PCDHGA4: variants seen among roughly 807,000 people sequenced by gnomAD.
PCDHGA4 encodes the protein protocadherin gamma-A4.
Under a neutral mutation model 54.6 loss-of-function variants are expected in PCDHGA4, and 38 were observed. That is an observed-to-expected ratio of 0.70 (90% CI 0.54 to 0.91). The LOEUF is 0.91. Among genes scored for constraint, PCDHGA4 ranks in the 40% least tolerant of loss-of-function variants. PCDHGA4 has a pLI of 0.00. For missense variants in PCDHGA4, 1,298 were observed against 1,220.9 expected (o/e 1.06, Z -0.94); for synonymous variants, 511 against 512.9 (o/e 1.00, Z 0.05).
intron 1 of PCDHGA4, chr5:141,391,083 G>C (rs974357992): frequency 1.3e-5 from 2 of 152,152 alleles, no homozygotes; most frequent in Non-Finnish European, 2.9e-5. Flanking sequence ...ATGTGTAACT[G>C]CCTTATCTGC....
At chr5:141,427,294 AT>A (rs2097012877) in intron 1 of PCDHGA4, 1 of 456,758 alleles carries the variant, frequency 2.2e-6, no homozygotes, top group Non-Finnish European at 4.4e-6. Flanking sequence ...GAAATCCTAG[AT>A]GAGAATGACA....
chr5:141,461,438 T>C (rs1034260263), intron 1 of PCDHGA4, among the ~76,000 whole-genome samples: 3 of 152,200 alleles, frequency 2.0e-5, no homozygotes, highest in African/African-American at 7.2e-5. Flanking sequence ...GTATACCTTC[T>C]TTTGAGAAAT....
In PCDHGA4 at chr5:141,394,836, T is replaced by G. The variant is rs116789057; in HGVS notation, c.2514+37215T>G. On this transcript the variant is annotated intron_variant, in intron 1 of 3. Transcript: ENST00000571252. Reference sequence around the variant, plus strand: ...CAGCATCCCCGAAGTCCTGACCGAGTTGGGCAGTCTGAAGCCTTCGGTCGA... The same window carrying G: ...CAGCATCCCCGAAGTCCTGACCGAGGTGGGCAGTCTGAAGCCTTCGGTCGA... 1,507 of 1,613,748 alleles carry G rather than the reference T, an allele frequency of 9.3e-4. 9 individuals carry two copies. The African/African-American group carries it at 0.016, about 17-fold the overall frequency.
rs1247556723 is a variant in PCDHGA4 at position 141,489,841 on chromosome 5, G to A, written c.2515-4966G>A. 6.2e-7 allele frequency: 1 copy of A among 1,614,224 alleles called. No individual in the cohort carries two copies. The highest frequency in any genetic ancestry group is 1.7e-5 in the Admixed American group (1 of 60,032). On this transcript the variant is annotated intron_variant, in intron 1 of 3. Coordinates refer to ENST00000571252, the MANE Select transcript of PCDHGA4 (RefSeq NM_018917.4). The surrounding 1 kb of genome is among the most constrained non-coding windows in gnomAD (Gnocchi z 4.5). Reference sequence around the variant, plus strand: ...AGAGCTGGTGCTAGAGCAGCAGCTGGATCGTGAAGCCCAGGCAAGACATCA... The same window carrying A: ...AGAGCTGGTGCTAGAGCAGCAGCTGAATCGTGAAGCCCAGGCAAGACATCA...
Position 141,477,827 on chromosome 5 carries a change from C to T in PCDHGA4, c.2515-16980C>T, listed in dbSNP as rs2099419143. On this transcript the variant is annotated intron_variant, in intron 1 of 3. Coordinates refer to ENST00000571252, the MANE Select transcript of PCDHGA4 (RefSeq NM_018917.4). The surrounding 1 kb of genome is among the most constrained non-coding windows in gnomAD (Gnocchi z 4.9). ...CAATGCCCCCCAGGTCCTATATCCT[C>T]GGCCAGGTGGGAGCTCGGTGGAGAT... The T allele has an allele frequency of 1.2e-6, 2 of 1,614,038 alleles. No individual in the cohort carries two copies. Among genetic ancestry groups the T allele is most frequent in the African/African-American group, 1.3e-5 (1 of 74,928 alleles).
In PCDHGA4 at chr5:141,489,844, C is replaced by G. The variant is rs1004902910; in HGVS notation, c.2515-4963C>G. Reference sequence around the variant, plus strand: ...GCTGGTGCTAGAGCAGCAGCTGGATCGTGAAGCCCAGGCAAGACATCAGCT... The same window carrying G: ...GCTGGTGCTAGAGCAGCAGCTGGATGGTGAAGCCCAGGCAAGACATCAGCT... On this transcript the variant is annotated intron_variant, in intron 1 of 3. Coordinates refer to ENST00000571252, the MANE Select transcript of PCDHGA4 (RefSeq NM_018917.4). The surrounding 1 kb of genome is among the most constrained non-coding windows in gnomAD (Gnocchi z 4.5). The G allele has an allele frequency of 1.2e-6, 2 of 1,614,030 alleles. No individual in the cohort carries two copies. Among genetic ancestry groups the G allele is most frequent in the Non-Finnish European group, 8.5e-7 (1 of 1,179,990 alleles).
intron 1 of PCDHGA4, chr5:141,418,727 C>T: frequency 6.2e-7 from 1 of 1,613,976 alleles, no homozygotes; most frequent in Non-Finnish European, 8.5e-7. Flanking sequence ...CAAAGCTCAG[C>T]ACGTGTTCTC....
chr5:141,470,597 T>A (rs1309687738), intron 1 of PCDHGA4, among the ~76,000 whole-genome samples: 5 of 152,216 alleles, frequency 3.3e-5, no homozygotes, highest in Non-Finnish European at 7.3e-5. Flanking sequence ...AGGCGACCTG[T>A]GCGGGGACAC....
chr5:141,407,659 T>C (rs1443799600), intron 1 of PCDHGA4, among the ~76,000 whole-genome samples: 1 of 152,136 alleles, frequency 6.6e-6, no homozygotes, highest in East Asian at 1.9e-4. Flanking sequence ...GGGAGCGCAG[T>C]ATATATTAAA....
intron 1 of PCDHGA4, chr5:141,373,858 G>A: frequency 2.2e-6 from 1 of 460,298 alleles, no homozygotes. Context: ...CGTCGCTGTT[G>A]ACCAACCTGG....
chr5:141,450,470 A>AGTTT (rs199699353), intron 1 of PCDHGA4, among the ~76,000 whole-genome samples: 2,037 of 151,800 alleles, frequency 0.013, 39 homozygotes, highest in African/African-American at 0.044. Flanking sequence ...TTATATATAG[A>AGTTT]GTTTGTTTGT....
At chr5:141,503,902 C>T (rs552180745) in intron 2 of PCDHGA4, among the ~76,000 whole-genome samples, 7 of 152,328 alleles carry the variant, frequency 4.6e-5, no homozygotes, top group African/African-American at 1.7e-4. Context: ...AATATGCACA[C>T]ACACAACGCA....
intron 1 of PCDHGA4, chr5:141,478,583 C>CT (rs754743497): frequency 5.7e-6 from 9 of 1,578,146 alleles, no homozygotes; most frequent in South Asian, 1.1e-5. Flanking sequence ...CCTGTTAGTG[C>CT]TTTTTTATTC....
intron 1 of PCDHGA4, chr5:141,392,912 C>T: frequency 6.2e-7 from 1 of 1,613,908 alleles, no homozygotes; most frequent in South Asian, 1.1e-5. Context: ...AGATTCGCTA[C>T]TCTGTGCCAG....
chr5:141,446,191 T>C (rs2098492956), intron 1 of PCDHGA4, among the ~76,000 whole-genome samples: 1 of 152,206 alleles, frequency 6.6e-6, no homozygotes, highest in Non-Finnish European at 1.5e-5. Flanking sequence ...TGTTTATTAT[T>C]ATATTCCTAG....
At chr5:141,500,369 C>T (rs1034629981) in intron 2 of PCDHGA4, among the ~76,000 whole-genome samples, 4 of 151,866 alleles carry the variant, frequency 2.6e-5, no homozygotes, top group Admixed American at 6.6e-5. Flanking sequence ...CTACCACGCC[C>T]GGCTAATTAT....
At chr5:141,407,222 C>CA (rs895046980) in intron 1 of PCDHGA4, among the ~76,000 whole-genome samples, 4 of 151,730 alleles carry the variant, frequency 2.6e-5, no homozygotes, top group African/African-American at 7.2e-5. Flanking sequence ...AAGTGGGTAG[C>CA]AAAAAAAATA....
At chr5:141,394,108 T>C in intron 1 of PCDHGA4, 1 of 1,613,972 alleles carries the variant, frequency 6.2e-7, no homozygotes, top group Non-Finnish European at 8.5e-7. Context: ...ACACCACCTC[T>C]GTCCACTGAA....
rs1280755615 is a variant in PCDHGA4, at chr5:141,431,629, A to G, written c.2515-63178A>G. 1 of 1,614,246 alleles carries G rather than the reference A, an allele frequency of 6.2e-7. No individual in the cohort carries two copies. ...GGTATGTGGACGACAAGGCGGCCCA[A>G]GTTTTCAAACTAGATTGTAATTCAG... On this transcript the variant is annotated intron_variant, in intron 1 of 3. Transcript: ENST00000571252. The surrounding 1 kb of genome is among the most constrained non-coding windows in gnomAD (Gnocchi z 4.8).
Sources: gnomAD v4.1 joint callset for allele counts (sites outside exome capture counted in the v4.1 genomes callset) on GRCh38, gnomAD v4.1.1 for gene constraint, Gnocchi (gnomAD v3.1) non-coding constraint, MANE v1.5 for transcripts, NCBI Gene and HGNC (gene_info 2026-07-23, HGNC 2026-07-21) for gene names.